The following OR1L8 variants were observed in gnomAD, a reference collection of about 807,000 sequenced individuals.
The protein encoded by OR1L8 is olfactory receptor 1L8.
For synonymous variants in OR1L8, 148 were observed against 147.0 expected (o/e 1.01, Z -0.05); for missense variants, 330 against 377.4 (o/e 0.87, Z 1.04).
chr9:122,582,723 A>T (rs934373211), intron 1 of OR1L8, among the ~76,000 whole-genome samples: 1 of 152,196 alleles, frequency 6.6e-6, no homozygotes, highest in African/African-American at 2.4e-5. Context: ...CTCTTAAAAA[A>T]AGTTATTTTT....
the OR1L8 span, among the ~76,000 whole-genome samples, chr9:122,559,867 C>A: frequency 1.3e-5 from 2 of 152,162 alleles, no homozygotes; most frequent in African/African-American, 2.4e-5. Context: ...GAGCTGAGTT[C>A]AAGTCCTGAA....
At chr9:122,574,922 T>C (rs1373797280) in intron 3 of OR1L8, among the ~76,000 whole-genome samples, 1 of 152,148 alleles carries the variant, frequency 6.6e-6, no homozygotes, top group Non-Finnish European at 1.5e-5. Flanking sequence ...TGTTGGAGTT[T>C]GTCAAATGAT....
the OR1L8 span, among the ~76,000 whole-genome samples, chr9:122,555,138 A>G: frequency 6.6e-6 from 1 of 152,228 alleles, no homozygotes. Context: ...TGGCACAAAA[A>G]AATGTTGCAG....
the OR1L8 span, chr9:122,554,045 T>C: frequency 6.2e-7 from 1 of 1,613,886 alleles, no homozygotes; most frequent in Non-Finnish European, 8.5e-7. Context: ...GTAGGGCTGC[T>C]GTTCTCTATA....
At chr9:122,554,500 C>T in the OR1L8 span, among the ~76,000 whole-genome samples, 1 of 152,152 alleles carries the variant, frequency 6.6e-6, no homozygotes, top group African/African-American at 2.4e-5. Context: ...GCAAGGCAGG[C>T]ATGGGATGAG....
chr9:122,577,323 C>A (rs1012099726), intron 2 of OR1L8, among the ~76,000 whole-genome samples: 12 of 152,102 alleles, frequency 7.9e-5, no homozygotes, highest in Non-Finnish European at 1.3e-4. Flanking sequence ...TTATTGTAGG[C>A]AGACTTCAAA....
At chr9:122,556,939 A>G in the OR1L8 span, among the ~76,000 whole-genome samples, 1 of 151,952 alleles carries the variant, frequency 6.6e-6, no homozygotes, top group Non-Finnish European at 1.5e-5. Flanking sequence ...TCAGTTCTGC[A>G]GTTTTTCTCA....
chr9:122,550,066 A>AT, the OR1L8 span, among the ~76,000 whole-genome samples: 45,670 of 151,706 alleles, frequency 0.3, 7,409 homozygotes, highest in East Asian at 0.54. Context: ...TCTTGTAGAC[A>AT]TTTTTTACCT....
At chr9:122,553,332 A>G in the OR1L8 span, 3 of 1,613,962 alleles carry the variant, frequency 1.9e-6, no homozygotes, top group African/African-American at 1.3e-5. Flanking sequence ...GTACCTGGTC[A>G]CCATGGTGGG....
intron 4 of OR1L8, among the ~76,000 whole-genome samples, chr9:122,570,526 C>A (rs143128572): frequency 6.6e-6 from 1 of 152,178 alleles, no homozygotes; most frequent in Admixed American, 6.5e-5. Context: ...TGTATAAAAT[C>A]GAACACAAAT....
intron 4 of OR1L8, among the ~76,000 whole-genome samples, chr9:122,570,079 T>C (rs2118720165): frequency 6.7e-6 from 1 of 149,528 alleles, no homozygotes; most frequent in East Asian, 1.9e-4. Flanking sequence ...CAGTCTATCA[T>C]TGTTGGACAT....
At chr9:122,580,010 G>C (rs923333007) in intron 1 of OR1L8, among the ~76,000 whole-genome samples, 12 of 152,126 alleles carry the variant, frequency 7.9e-5, no homozygotes, top group Admixed American at 6.5e-4. Context: ...GCTTATCGGT[G>C]CAACTGCAGC....
At chr9:122,553,498 C>T in the OR1L8 span, 35 of 1,613,956 alleles carry the variant, frequency 2.2e-5, no homozygotes, top group Non-Finnish European at 2.5e-5. Context: ...CAGATCATCT[C>T]GTATTCTGGG....
the OR1L8 span, among the ~76,000 whole-genome samples, chr9:122,556,365 CCTT>C: frequency 2.2e-4 from 34 of 151,486 alleles, 1 homozygote; most frequent in East Asian, 5.2e-3. Context: ...TGTCTTTCAT[CCTT>C]TGTCAAAAAT....
At chr9:122,563,503 C>T (rs945605457), downstream of OR1L8, among the ~76,000 whole-genome samples, 126 of 151,968 alleles carry the variant, frequency 8.3e-4, no homozygotes, top group African/African-American at 2.7e-3. Context: ...TTATATATTC[C>T]ACATATTAAC....
At chr9:122,577,144 T>TAAAC (rs1302286338) in intron 2 of OR1L8, among the ~76,000 whole-genome samples, 1 of 152,240 alleles carries the variant, frequency 6.6e-6, no homozygotes, top group Non-Finnish European at 1.5e-5. Context: ...GCATGTGTTA[T>TAAAC]AAACATTAAA....
intron 1 of OR1L8, among the ~76,000 whole-genome samples, chr9:122,580,586 A>G (rs917691023): frequency 5.9e-5 from 9 of 152,224 alleles, no homozygotes; most frequent in Non-Finnish European, 2.9e-5. Flanking sequence ...AGAAGACACA[A>G]GAATATGAGA....
downstream of OR1L8, chr9:122,567,018 G>C (rs1829438688): frequency 6.6e-6 from 1 of 151,964 alleles, no homozygotes; most frequent in Non-Finnish European, 1.5e-5. Flanking sequence ...AGATAAAAAA[G>C]TAAAAGCTTA....
the OR1L8 span, among the ~76,000 whole-genome samples, chr9:122,555,667 T>A: frequency 0.24 from 35,896 of 152,122 alleles, 4,702 homozygotes; most frequent in Middle Eastern, 0.34. Context: ...AGTTTGAAAT[T>A]TGTAGGGCAG....
Sources: allele counts gnomAD v4.1 joint callset (sites outside exome capture counted in the v4.1 genomes callset), GRCh38; gene constraint gnomAD v4.1.1; transcripts MANE v1.5; gene names NCBI Gene and HGNC (gene_info 2026-07-23, HGNC 2026-07-21).